The following MTDH variants were observed in gnomAD, a reference collection of about 807,000 sequenced individuals.
The protein encoded by MTDH is metadherin.
A neutral mutation model predicts 72.7 loss-of-function variants in MTDH; 34 were observed. The ratio of observed to expected loss-of-function variants is 0.47; its 90% CI spans 0.36 to 0.62. The LOEUF (loss-of-function observed/expected upper bound fraction) is 0.62, where lower values mean the gene tolerates loss of function less well. MTDH is among the 20% of genes least tolerant of loss of function. MTDH has a pLI of 0.00. For synonymous variants in MTDH, 266 were observed against 268.9 expected (o/e 0.99, Z 0.10); for missense variants, 677 against 699.4 (o/e 0.97, Z 0.36).
chr8:97,693,980 G>C (rs545387461), intron 6 of MTDH, among the ~76,000 whole-genome samples: 1 of 151,942 alleles, frequency 6.6e-6, no homozygotes, highest in Non-Finnish European at 1.5e-5. Context: ...TTCTCACAGT[G>C]CTGGGATTAC....
rs1586190590 is a variant in MTDH, at chr8:97,644,283, G to A, written c.-224G>A. 1.8e-6 allele frequency: 1 copy of A among 562,492 alleles called. No individual in the cohort carries two copies. Among genetic ancestry groups the A allele is most frequent in the Non-Finnish European group, 3.0e-6 (1 of 335,342 alleles). 34.8% of individuals were successfully genotyped at this position (562,492 alleles called of 1,614,324 possible). On this transcript the variant is annotated 5_prime_UTR_variant, in exon 1 of 12. Transcript: ENST00000336273. ...CTGGAGACACTCCCTCCCGCCTCCCGGGTCTCCTGGCGGCGGCGGAGTGAG... is the reference window on the plus strand; with the variant it reads ...CTGGAGACACTCCCTCCCGCCTCCCAGGTCTCCTGGCGGCGGCGGAGTGAG...
At chr8:97,674,805 C>T (rs976777728) in intron 2 of MTDH, among the ~76,000 whole-genome samples, 1 of 150,998 alleles carries the variant, frequency 6.6e-6, no homozygotes, top group East Asian at 1.9e-4. Context: ...CAAGAAAATA[C>T]TCAGCATTCT....
At chr8:97,673,294 G>A (rs1340129973) in intron 2 of MTDH, among the ~76,000 whole-genome samples, 1 of 152,126 alleles carries the variant, frequency 6.6e-6, no homozygotes, top group Non-Finnish European at 1.5e-5. Context: ...GCCAAGAAGG[G>A]AGAATCTCTT....
At chr8:97,662,342 C>T (rs1812205074) in intron 2 of MTDH, among the ~76,000 whole-genome samples, 1 of 150,998 alleles carries the variant, frequency 6.6e-6, no homozygotes, top group Non-Finnish European at 1.5e-5. Context: ...CAGAGCCCCT[C>T]CCCCTTTTTA....
At chr8:97,697,547 G>A (rs536959722) in intron 6 of MTDH, among the ~76,000 whole-genome samples, 2 of 151,732 alleles carry the variant, frequency 1.3e-5, no homozygotes, top group African/African-American at 2.4e-5. Context: ...CACCACACCC[G>A]GCTAATTTTT....
In MTDH at chr8:97,729,366, T is replaced by C. The variant is rs1455727880; in HGVS notation, c.*4696T>C. On this transcript the variant is annotated 3_prime_UTR_variant, in exon 12 of 12. Transcript: ENST00000336273. ...TGGAAGTTACACACAATACATAAACTTCAATTTCAAACAGTTGCTTGGTCC... is the reference window on the plus strand; with the variant it reads ...TGGAAGTTACACACAATACATAAACCTCAATTTCAAACAGTTGCTTGGTCC... 2.0e-5 allele frequency among the ~76,000 whole-genome samples: 3 copies of C among 152,078 alleles called. No homozygotes were observed. The highest frequency in any genetic ancestry group is 7.2e-5 in the African/African-American group (3 of 41,434).
chr8:97,693,611 C>T (rs1054633824), intron 6 of MTDH, among the ~76,000 whole-genome samples: 1 of 152,164 alleles, frequency 6.6e-6, no homozygotes, highest in East Asian at 1.9e-4. Context: ...CAGGCGTGAG[C>T]CACCATGCCC....
Position 97,685,562 on chromosome 8 carries a change from C to T in MTDH, c.484-1106C>T, listed in dbSNP as rs371305403. On this transcript the variant is annotated intron_variant, in intron 2 of 11. Transcript: ENST00000336273. ...AGAGCACAAGGTCAGGAGTTTGAGA[C>T]CAGCCTGGCCAACATGGTGAAGCCC... 3.9e-5 allele frequency among the ~76,000 whole-genome samples: 6 copies of T among 151,998 alleles called. No individual in the cohort carries two copies. The East Asian group carries it at 1.2e-3, about 29-fold the overall frequency.
rs146103203 is a variant in MTDH at position 97,679,571 on chromosome 8, A to G, written c.484-7097A>G. Among the ~76,000 whole-genome samples the G allele has an allele frequency of 4.1e-4, 63 of 152,330 alleles. No homozygotes were observed. The East Asian group carries it at 0.011, about 26-fold the overall frequency. ...TGATCTTCTTACTTTTTCAAGTATA[A>G]CAATATTTAATACCAGATATTAAAA... On this transcript the variant is annotated intron_variant, in intron 2 of 11. Coordinates refer to ENST00000336273, the MANE Select transcript of MTDH (RefSeq NM_178812.4).
At chr8:97,718,583 C>T (rs1219260134) in intron 9 of MTDH, among the ~76,000 whole-genome samples, 6 of 148,520 alleles carry the variant, frequency 4.0e-5, no homozygotes, top group South Asian at 2.1e-4. Context: ...TGCAATGGTG[C>T]GATCTCGGCT....
chr8:97,696,695 AATAACT>A (rs1813846331), intron 6 of MTDH, among the ~76,000 whole-genome samples: 2 of 152,230 alleles, frequency 1.3e-5, no homozygotes, highest in African/African-American at 4.8e-5. Context: ...ATTCCCACAT[AATAACT>A]ATAAGTATCT....
At chr8:97,651,987 T>A (rs1811789843) in intron 1 of MTDH, among the ~76,000 whole-genome samples, 1 of 152,166 alleles carries the variant, frequency 6.6e-6, no homozygotes, top group Admixed American at 6.6e-5. Context: ...CCTCACCTTA[T>A]ATCTAACCCA....
chr8:97,671,443 A>G (rs1023438640), intron 2 of MTDH, among the ~76,000 whole-genome samples: 2 of 152,114 alleles, frequency 1.3e-5, no homozygotes, highest in African/African-American at 2.4e-5. Flanking sequence ...TGTTCTCGCA[A>G]ATTTTTTTTT....
At chr8:97,714,803 C>T (rs1414314433) in intron 9 of MTDH, among the ~76,000 whole-genome samples, 1 of 151,740 alleles carries the variant, frequency 6.6e-6, no homozygotes. Context: ...GTAATTTTTC[C>T]TACTTATTGT....
intron 1 of MTDH, among the ~76,000 whole-genome samples, chr8:97,645,539 GAGAA>G (rs1811533881): frequency 6.6e-6 from 1 of 152,198 alleles, no homozygotes; most frequent in African/African-American, 2.4e-5. Flanking sequence ...ATGGTCCTGT[GAGAA>G]AGAGCTAAGG....
chr8:97,661,210 C>T (rs1028115999), intron 2 of MTDH, 37 bp downstream of exon 2: 1 of 1,412,262 alleles, frequency 7.1e-7, no homozygotes, highest in Admixed American at 1.8e-5. Flanking sequence ...ATGCAAGACT[C>T]TTAATAGAAT....
At chr8:97,719,630 G>C (rs981294337) in intron 10 of MTDH, among the ~76,000 whole-genome samples, 1 of 152,062 alleles carries the variant, frequency 6.6e-6, no homozygotes, top group African/African-American at 2.4e-5. Context: ...AGAGAAAGGT[G>C]AGACGCATTT....
chr8:97,655,388 G>GT (rs1419545318), intron 1 of MTDH, among the ~76,000 whole-genome samples: 2 of 152,160 alleles, frequency 1.3e-5, no homozygotes, highest in Non-Finnish European at 2.9e-5. Context: ...GAAAACAGCA[G>GT]TTTTTTAAAA....
chr8:97,710,322 G>A (rs1303715752), intron 8 of MTDH, among the ~76,000 whole-genome samples: 1 of 152,106 alleles, frequency 6.6e-6, no homozygotes, highest in African/African-American at 2.4e-5. Context: ...AATCTAGGTT[G>A]TCATTTGTGA....
Sources: gnomAD v4.1 joint callset for allele counts (sites outside exome capture counted in the v4.1 genomes callset) on GRCh38, gnomAD v4.1.1 for gene constraint, MANE v1.5 for transcripts, NCBI Gene and HGNC (gene_info 2026-07-23, HGNC 2026-07-21) for gene names.